WDR44: variants seen among roughly 807,000 people sequenced by gnomAD.
WDR44 encodes the protein WD repeat domain 44.
In WDR44, 9 loss-of-function variants were observed where a neutral mutation model predicts 65.7. The observed-to-expected ratio is 0.14, with a 90% CI of 0.08 to 0.24. The LOEUF is 0.24. WDR44 is among the 10% of genes least tolerant of loss of function. WDR44 has a pLI of 1.00. For synonymous variants in WDR44, 220 were observed against 235.2 expected, an observed-to-expected ratio of 0.94 and a Z score of 0.59; for missense variants, 425 against 670.9, an observed-to-expected ratio of 0.63 and a Z score of 4.05.
chrX:118,368,483 T>TATATATATATATATATATATATATATC (rs1569359132), intron 1 of WDR44, among the ~76,000 whole-genome samples: 9 of 87,659 alleles, frequency 1.0e-4, no homozygotes, highest in African/African-American at 3.0e-4. Flanking sequence ...ATATATATAC[T>TATATATATATATATATATATATATATC]TCTTGAGGAC....
At chrX:118,437,096 A>G (rs1250107659) in intron 14 of WDR44, among the ~76,000 whole-genome samples, 3 of 111,582 alleles carry the variant, frequency 2.7e-5, no homozygotes, top group Non-Finnish European at 5.6e-5. Flanking sequence ...AAGATGAGAG[A>G]TATTGGAGAT....
chrX:118,394,115 C>T lies in WDR44; in HGVS notation c.887C>T (p.Thr296Met), dbSNP rs779010583. The T allele has an allele frequency of 9.9e-6, 12 of 1,208,974 alleles. No homozygotes were observed. Among genetic ancestry groups the T allele is most frequent in the Admixed American group, 6.6e-5 (3 of 45,697 alleles). ...LLTASMASESTVKDSQPSLDL... is the reference protein window; with the variant it reads ...LLTASMASESMVKDSQPSLDL... ...ACCGCAAGCATGGCTTCAGAAAGTA[C>T]GGTTAAGGATTCTCAGCCTTCTCTT... The change falls in exon 5 of 20, where the codon ACG (threonine) becomes ATG (methionine). Residue 296 changes from threonine (T) to methionine (M), a missense_variant. By Grantham distance (81) the Thr-to-Met change is moderately conservative (BLOSUM62 -1). Coordinates refer to ENST00000254029, the MANE Select transcript of WDR44 (RefSeq NM_019045.5).
chrX:118,435,380 C>T (rs892170468), intron 13 of WDR44, among the ~76,000 whole-genome samples: 10 of 112,728 alleles, frequency 8.9e-5, no homozygotes, highest in Non-Finnish European at 1.3e-4. Flanking sequence ...CAGGTTCAAG[C>T]GATTCTCCTG....
chrX:118,367,010 T>G (rs5956955), intron 1 of WDR44, among the ~76,000 whole-genome samples: 28,647 of 107,627 alleles, frequency 0.27, 3,151 homozygotes, highest in African/African-American at 0.39. Context: ...GGCGTGAACC[T>G]GGAAGGCGGA....
intron 1 of WDR44, among the ~76,000 whole-genome samples, chrX:118,369,240 C>G (rs759538792): frequency 9.6e-4 from 106 of 110,426 alleles, no homozygotes; most frequent in African/African-American, 3.3e-3. Context: ...GGCCCTATCT[C>G]GGCTCACTGC....
chrX:118,431,915 TTTG>T (rs1298956769), intron 12 of WDR44, among the ~76,000 whole-genome samples: 2 of 111,867 alleles, frequency 1.8e-5, no homozygotes, highest in Admixed American at 9.6e-5. Context: ...TGTTTGTTTG[TTTG>T]TTTTTACTAA....
chrX:118,439,659 T>C (rs1402535540), intron 14 of WDR44, among the ~76,000 whole-genome samples: 1 of 111,391 alleles, frequency 9.0e-6, no homozygotes, highest in African/African-American at 3.3e-5. Context: ...TAAGTTAAAG[T>C]ATTTTTACTT....
At chrX:118,383,995 A>G (rs1242625698) in intron 2 of WDR44, among the ~76,000 whole-genome samples, 1 of 104,574 alleles carries the variant, frequency 9.6e-6, no homozygotes, top group Non-Finnish European at 2.0e-5. Context: ...TCCTCCCACA[A>G]CAACCTCCAA....
chrX:118,445,545 G>A lies in WDR44; in HGVS notation c.2647+1051G>A, dbSNP rs182922097. ...ACTAAATGAATTAAACCCAAATGAA[G>A]CAGGGCTAATTTTTCTACTTGCCAC... On this transcript the variant is annotated intron_variant, in intron 19 of 19. Transcript: ENST00000254029. 3.6e-5 allele frequency among the ~76,000 whole-genome samples: 4 copies of A among 112,313 alleles called. No individual in the cohort carries two copies. In the East Asian group the frequency reaches 1.1e-3, roughly 31 times the overall value.
intron 2 of WDR44, among the ~76,000 whole-genome samples, chrX:118,386,864 G>A (rs1441384889): frequency 1.8e-5 from 2 of 111,190 alleles, no homozygotes; most frequent in East Asian, 2.8e-4. Flanking sequence ...TAAAATTTCT[G>A]AGCATCTATC....
chrX:118,353,040 T>C (rs763182977), intron 1 of WDR44, among the ~76,000 whole-genome samples: 4 of 112,420 alleles, frequency 3.6e-5, no homozygotes, highest in Admixed American at 9.4e-5. Context: ...CCTACTGATA[T>C]TTAGCTTGAA....
At chrX:118,357,720 AT>A (rs1216783911) in intron 1 of WDR44, among the ~76,000 whole-genome samples, 4 of 107,289 alleles carry the variant, frequency 3.7e-5, no homozygotes, top group Admixed American at 2.0e-4. Context: ...TGTCTCTAAC[AT>A]TTTTTTTTTA....
intron 16 of WDR44, 57 bp downstream of exon 16, chrX:118,442,402 C>A: frequency 9.6e-7 from 1 of 1,041,039 alleles, no homozygotes; most frequent in Non-Finnish European, 1.3e-6. Flanking sequence ...CTTGAAAGTT[C>A]TTAATATCTT....
chrX:118,427,410 A>G (rs1261977567), intron 12 of WDR44, among the ~76,000 whole-genome samples: 1 of 103,206 alleles, frequency 9.7e-6, no homozygotes, highest in Non-Finnish European at 2.0e-5. Context: ...AGCTGGGACT[A>G]CAGGCGCCTG....
At chrX:118,415,074 A>G (rs1180803223) in intron 12 of WDR44, among the ~76,000 whole-genome samples, 1 of 111,670 alleles carries the variant, frequency 9.0e-6, no homozygotes, top group Non-Finnish European at 1.9e-5. Context: ...TTTTGCTGAG[A>G]GTTTTAATCA....
intron 1 of WDR44, among the ~76,000 whole-genome samples, chrX:118,368,481 A>ATATATATATATATATATATAC (rs1377849821): frequency 2.1e-5 from 2 of 95,291 alleles, no homozygotes; most frequent in African/African-American, 4.3e-5. Flanking sequence ...ATATATATAT[A>ATATATATATATATATATATAC]CTTCTTGAGG....
Position 118,393,058 on chromosome X carries a change from G to T in WDR44, c.613G>T (p.Ala205Ser). ...CTCCTTATCTACTAAAGATTTTGCCGCTGTGGAAGAAGTGGCCCCTGCCAA... is the reference window on the plus strand; with the variant it reads ...CTCCTTATCTACTAAAGATTTTGCCTCTGTGGAAGAAGTGGCCCCTGCCAA... Reference protein sequence around the residue: ...SDSLSTKDFAAVEEVAPAKPP... With the variant: ...SDSLSTKDFASVEEVAPAKPP... Residue 205 changes from alanine (A) to serine (S), a missense_variant, in exon 4 of 20, where the codon GCT becomes TCT. Ala to Ser is a moderately conservative substitution (Grantham distance 99). Around this residue, in one of 5 missense-constraint regions of WDR44, gnomAD observed 193 missense variants for 209.0 expected, o/e 0.92. Transcript: ENST00000254029. 8.3e-7 allele frequency: 1 copy of T among 1,211,779 alleles called. No individual in the cohort carries two copies. Among genetic ancestry groups the T allele is most frequent in the Non-Finnish European group, 1.1e-6 (1 of 895,508 alleles).
intron 8 of WDR44, among the ~76,000 whole-genome samples, chrX:118,402,736 A>G (rs1337666661): frequency 1.8e-5 from 2 of 112,115 alleles, no homozygotes; most frequent in Non-Finnish European, 3.8e-5. Flanking sequence ...CAACAGAGCA[A>G]GACTCTGTCT....
At chrX:118,419,007 C>G (rs1299035928) in intron 12 of WDR44, among the ~76,000 whole-genome samples, 3 of 110,942 alleles carry the variant, frequency 2.7e-5, no homozygotes, top group Non-Finnish European at 5.7e-5. Flanking sequence ...CCCACACAAA[C>G]GGAAGGGCCA....
Sources: gnomAD v4.1 joint callset for allele counts (sites outside exome capture counted in the v4.1 genomes callset) on GRCh38, gnomAD v4.1.1 for gene constraint, gnomAD v4.1.1 regional missense constraint, MANE v1.5 for transcripts, NCBI Gene and HGNC (gene_info 2026-07-23, HGNC 2026-07-21) for gene names.